OXR1: variants seen among roughly 807,000 people sequenced by gnomAD.
OXR1 encodes the protein oxidation resistance protein 1.
A neutral mutation model predicts 104.6 loss-of-function variants in OXR1; 41 were observed. The ratio of observed to expected loss-of-function variants is 0.39; its 90% CI spans 0.31 to 0.51. The LOEUF (loss-of-function observed/expected upper bound fraction) is 0.51, where lower values mean the gene tolerates loss of function less well. OXR1 is among the 20% of genes least tolerant of loss of function. The probability of loss-of-function intolerance (pLI) is 0.77; values close to 1 mark genes in which losing one functional copy is unlikely to be tolerated. For synonymous variants in OXR1, 348 were observed against 348.4 expected (o/e 1.00, Z 0.01); for missense variants, 955 against 1,031.9 (o/e 0.93, Z 1.02).
intron 3 of OXR1, among the ~76,000 whole-genome samples, chr8:106,589,478 T>G (rs924427921): frequency 6.6e-6 from 1 of 152,222 alleles, no homozygotes; most frequent in East Asian, 1.9e-4. Context: ...CTTGGTTGAC[T>G]GCTGCAGGAG....
At chr8:106,372,509 C>T (rs1156684315) in intron 2 of OXR1, among the ~76,000 whole-genome samples, 1 of 152,100 alleles carries the variant, frequency 6.6e-6, no homozygotes, top group Non-Finnish European at 1.5e-5. Context: ...TTTGAAAACC[C>T]AACATTTGAA....
chr8:106,438,791 C>G (rs1819675910), intron 2 of OXR1, among the ~76,000 whole-genome samples: 1 of 152,110 alleles, frequency 6.6e-6, no homozygotes, highest in Non-Finnish European at 1.5e-5. Flanking sequence ...GACGATATAG[C>G]TTGTCCAATA....
intron 2 of OXR1, among the ~76,000 whole-genome samples, chr8:106,385,593 C>T (rs973214478): frequency 3.3e-5 from 5 of 152,298 alleles, no homozygotes; most frequent in South Asian, 4.1e-4. Context: ...AATATTCTCT[C>T]TTTATAGACA....
intron 2 of OXR1, among the ~76,000 whole-genome samples, chr8:106,501,389 A>G (rs1269339173): frequency 1.3e-5 from 2 of 152,214 alleles, no homozygotes; most frequent in Non-Finnish European, 2.9e-5. Flanking sequence ...GGCAGGGGCC[A>G]GGTTATATGG....
chr8:106,402,529 T>C (rs1022187896), intron 2 of OXR1, among the ~76,000 whole-genome samples: 4 of 152,214 alleles, frequency 2.6e-5, no homozygotes, highest in Admixed American at 2.0e-4. Flanking sequence ...GTCTTTGAAC[T>C]AAAACTTCAT....
intron 10 of OXR1, among the ~76,000 whole-genome samples, chr8:106,712,077 C>T (rs1587196834): frequency 6.6e-6 from 1 of 152,008 alleles, no homozygotes; most frequent in South Asian, 2.1e-4. Flanking sequence ...CTGCCTCTCC[C>T]TTTTATTTTT....
At chr8:106,707,368 C>T (rs529960484) in intron 9 of OXR1, 1 of 636,226 alleles carries the variant, frequency 1.6e-6, no homozygotes, top group East Asian at 2.8e-5. Flanking sequence ...TTGCTACCCA[C>T]CATGTTTAAA....
intron 3 of OXR1, among the ~76,000 whole-genome samples, chr8:106,667,131 G>C (rs1052943276): frequency 2.2e-4 from 34 of 152,066 alleles, no homozygotes; most frequent in Admixed American, 6.5e-5. Context: ...CCAATGCAGG[G>C]TACACATTAG....
intron 2 of OXR1, among the ~76,000 whole-genome samples, chr8:106,444,705 C>G (rs1368274821): frequency 6.6e-6 from 1 of 151,726 alleles, no homozygotes; most frequent in Non-Finnish European, 1.5e-5. Context: ...GGGTGAGGGG[C>G]AGGAACTTAG....
chr8:106,654,243 A>T (rs1824863748), intron 3 of OXR1, among the ~76,000 whole-genome samples: 1 of 152,126 alleles, frequency 6.6e-6, no homozygotes, highest in South Asian at 2.1e-4. Flanking sequence ...AAATAGCCAA[A>T]ACAATCTTCA....
At chr8:106,291,275 T>G (rs1350270876) in intron 1 of OXR1, among the ~76,000 whole-genome samples, 1 of 152,080 alleles carries the variant, frequency 6.6e-6, no homozygotes, top group African/African-American at 2.4e-5. Context: ...GGAGACACTG[T>G]AGACTACTAG....
At chr8:106,495,400 C>G (rs192425312) in intron 2 of OXR1, among the ~76,000 whole-genome samples, 6 of 151,988 alleles carry the variant, frequency 3.9e-5, no homozygotes, top group African/African-American at 1.4e-4. Context: ...GAGGGTATTC[C>G]GTGTAGATGG....
intron 2 of OXR1, among the ~76,000 whole-genome samples, chr8:106,428,745 A>T (rs2130556629): frequency 6.6e-6 from 1 of 152,268 alleles, no homozygotes; most frequent in East Asian, 1.9e-4. Flanking sequence ...CATTTGAGGA[A>T]AACTGTCTAA....
At chr8:106,513,345 A>G (rs887849921) in intron 2 of OXR1, among the ~76,000 whole-genome samples, 1 of 151,822 alleles carries the variant, frequency 6.6e-6, no homozygotes, top group Non-Finnish European at 1.5e-5. Context: ...TTACTTTTTC[A>G]TGGTTCTCTG....
intron 2 of OXR1, among the ~76,000 whole-genome samples, chr8:106,359,966 T>C (rs959418801): frequency 2.0e-5 from 3 of 152,150 alleles, no homozygotes; most frequent in Non-Finnish European, 1.5e-5. Context: ...TTCCCAGATA[T>C]AGGACTAGCA....
chr8:106,276,680 T>C (rs1045954442), intron 1 of OXR1, among the ~76,000 whole-genome samples: 1 of 151,558 alleles, frequency 6.6e-6, no homozygotes, highest in Non-Finnish European at 1.5e-5. Context: ...TTTCTTCTGT[T>C]TATTTAAAAA....
At chr8:106,745,952 T>C in intron 16 of OXR1, 90 bp downstream of exon 16, 1 of 723,380 alleles carries the variant, frequency 1.4e-6, no homozygotes, top group Middle Eastern at 3.3e-4. Flanking sequence ...CTTTAGAAAG[T>C]GTTGACGTTA....
intron 2 of OXR1, among the ~76,000 whole-genome samples, chr8:106,441,780 T>G (rs1819794526): frequency 6.6e-6 from 1 of 152,218 alleles, no homozygotes; most frequent in East Asian, 1.9e-4. Flanking sequence ...TCCTGAGACT[T>G]TGCTGAAGTT....
At chr8:106,306,074 G>C (rs1813454376) in intron 1 of OXR1, among the ~76,000 whole-genome samples, 7 of 151,204 alleles carry the variant, frequency 4.6e-5, no homozygotes, top group Admixed American at 4.6e-4. Context: ...AATGCAGTAT[G>C]AATCTGATTA....
Sources: allele counts gnomAD v4.1 joint callset (sites outside exome capture counted in the v4.1 genomes callset), GRCh38; gene constraint gnomAD v4.1.1; transcripts MANE v1.5; gene names NCBI Gene and HGNC (gene_info 2026-07-23, HGNC 2026-07-21).